The following HS6ST2 variants were observed in gnomAD, a reference collection of about 807,000 sequenced individuals.
HS6ST2 encodes heparan-sulfate 6-O-sulfotransferase 2.
A neutral mutation model predicts 33.0 loss-of-function variants in HS6ST2; 17 were observed. That is an observed-to-expected ratio of 0.52 (90% CI 0.35 to 0.77). HS6ST2 has a LOEUF of 0.77. Among genes scored for constraint, HS6ST2 ranks in the 30% least tolerant of loss-of-function variants. The pLI is 0.01. For synonymous variants in HS6ST2, 248 were observed against 237.1 expected (o/e 1.05, Z -0.42); for missense variants, 519 against 551.7 (o/e 0.94, Z 0.59).
chrX:132,926,398 G>A (rs1237419776), intron 2 of HS6ST2, among the ~76,000 whole-genome samples: 1 of 111,523 alleles, frequency 9.0e-6, no homozygotes, highest in East Asian at 2.8e-4. Context: ...GCTGAGGTAA[G>A]TAGGGCCTTC....
intron 2 of HS6ST2, among the ~76,000 whole-genome samples, chrX:132,833,705 AGTGATGG>A (rs2065613217): frequency 9.0e-6 from 1 of 110,765 alleles, no homozygotes; most frequent in Non-Finnish European, 1.9e-5. Flanking sequence ...CAATGTGAAA[AGTGATGG>A]GACAACACAC....
chrX:132,893,973 T>C (rs755052598), intron 2 of HS6ST2, among the ~76,000 whole-genome samples: 122 of 111,200 alleles, frequency 1.1e-3, no homozygotes, highest in Non-Finnish European at 1.8e-3. Flanking sequence ...CCATTTAATA[T>C]GCTTGGGGCT....
intron 2 of HS6ST2, among the ~76,000 whole-genome samples, chrX:132,739,455 C>T (rs920285383): frequency 4.5e-5 from 5 of 111,545 alleles, no homozygotes; most frequent in African/African-American, 1.6e-4. Context: ...TGGCTCATGC[C>T]TGTAATCGCA....
intron 2 of HS6ST2, among the ~76,000 whole-genome samples, chrX:132,955,005 A>G (rs968633894): frequency 8.9e-6 from 1 of 111,888 alleles, no homozygotes; most frequent in Non-Finnish European, 1.9e-5. Context: ...GTAAAGGCAC[A>G]TGTGCCCCAT....
intron 2 of HS6ST2, among the ~76,000 whole-genome samples, chrX:132,805,236 T>C (rs2065270372): frequency 8.9e-6 from 1 of 111,959 alleles, no homozygotes; most frequent in Non-Finnish European, 1.9e-5. Context: ...GTCTTTGTCA[T>C]TGTGGTCTTC....
chrX:132,882,505 T>C (rs902621270), intron 2 of HS6ST2, among the ~76,000 whole-genome samples: 1 of 103,273 alleles, frequency 9.7e-6, no homozygotes, highest in African/African-American at 3.6e-5. Flanking sequence ...AAGTTGCTTA[T>C]GAGCTTAAGG....
intron 2 of HS6ST2, among the ~76,000 whole-genome samples, chrX:132,833,662 C>T (rs753828265): frequency 2.7e-5 from 3 of 110,881 alleles, no homozygotes; most frequent in African/African-American, 9.8e-5. Flanking sequence ...CAGGAGCATT[C>T]ACAGGAAGGG....
intron 2 of HS6ST2, among the ~76,000 whole-genome samples, chrX:132,882,969 A>G (rs2066196568): frequency 9.0e-6 from 1 of 111,547 alleles, no homozygotes; most frequent in Admixed American, 9.6e-5. Flanking sequence ...CATACCAGGG[A>G]TGAAGCCCAG....
In HS6ST2 at chrX:132,927,849, C is replaced by T. The variant is rs1274285445; in HGVS notation, c.947+28959G>A. 6.1e-5 allele frequency among the ~76,000 whole-genome samples: 6 copies of T among 98,303 alleles called. No homozygotes were observed. In the East Asian group the frequency reaches 1.8e-3, roughly 30 times the overall value. The allele number at this position is 98,303 out of a possible 115,157, so 85.4% of individuals were successfully genotyped here. ...TCCAGCCTGGGCTATAGAGTGAAACCCTGTCTCAGAAAAAAAAAAAAAAAA... is the reference window on the plus strand; with the variant it reads ...TCCAGCCTGGGCTATAGAGTGAAACTCTGTCTCAGAAAAAAAAAAAAAAAA... On this transcript the variant is annotated intron_variant, in intron 2 of 4. Coordinates refer to ENST00000370833, the MANE Select transcript of HS6ST2 (RefSeq NM_001394073.1).
At chrX:132,899,899 G>A (rs1465193424) in intron 2 of HS6ST2, among the ~76,000 whole-genome samples, 1 of 110,684 alleles carries the variant, frequency 9.0e-6, no homozygotes, top group African/African-American at 3.3e-5. Context: ...AAAAACAATA[G>A]TGTGACATCT....
At chrX:132,648,462 T>C (rs189294882) in intron 4 of HS6ST2, among the ~76,000 whole-genome samples, 2 of 109,454 alleles carry the variant, frequency 1.8e-5, no homozygotes, top group Non-Finnish European at 3.8e-5. Context: ...TGAAATCAAA[T>C]TTTGAACAAG....
At chrX:132,678,045 ATGCATCTATACCTAAAAG>A (rs1333550069) in intron 3 of HS6ST2, among the ~76,000 whole-genome samples, 3 of 111,632 alleles carry the variant, frequency 2.7e-5, no homozygotes, top group African/African-American at 9.8e-5. Flanking sequence ...AGGGGGCCAA[ATGCATCTATACCTAAAAG>A]TGCATCTGGG....
chrX:132,666,733 CT>C (rs897137802), intron 4 of HS6ST2, among the ~76,000 whole-genome samples: 3 of 111,801 alleles, frequency 2.7e-5, no homozygotes, highest in African/African-American at 9.8e-5. Flanking sequence ...GACTGAATTT[CT>C]TTTCAGAGAA....
At chrX:132,911,162 A>AAT (rs1343341090) in intron 2 of HS6ST2, among the ~76,000 whole-genome samples, 1 of 109,001 alleles carries the variant, frequency 9.2e-6, no homozygotes. Flanking sequence ...AAAAAAAAAA[A>AAT]AAACTTAGAG....
At chrX:132,633,782 T>C (rs1476783728) in intron 4 of HS6ST2, among the ~76,000 whole-genome samples, 2 of 111,949 alleles carry the variant, frequency 1.8e-5, no homozygotes, top group East Asian at 5.6e-4. Flanking sequence ...TAAAAATGGT[T>C]TTCAACTATT....
chrX:132,728,907 C>T (rs1160387038), intron 2 of HS6ST2, among the ~76,000 whole-genome samples: 1 of 112,803 alleles, frequency 8.9e-6, no homozygotes, highest in Admixed American at 9.3e-5. Context: ...TATGGCCCAT[C>T]TCTCTGCTTC....
intron 2 of HS6ST2, among the ~76,000 whole-genome samples, chrX:132,826,650 A>T (rs2065523665): frequency 1.8e-5 from 2 of 109,152 alleles, no homozygotes; most frequent in Admixed American, 2.0e-4. Flanking sequence ...TATAGCTCAC[A>T]TTATATATAT....
At chrX:132,951,802 G>C (rs1038254327) in intron 2 of HS6ST2, among the ~76,000 whole-genome samples, 2 of 112,143 alleles carry the variant, frequency 1.8e-5, no homozygotes, top group Non-Finnish European at 3.8e-5. Context: ...CAACATAACA[G>C]ATGGACTTTT....
chrX:132,803,638 G>T (rs1412761670), intron 2 of HS6ST2, among the ~76,000 whole-genome samples: 1 of 111,369 alleles, frequency 9.0e-6, no homozygotes, highest in East Asian at 2.8e-4. Flanking sequence ...CGAACTCCTG[G>T]CCTCAAGTGA....
Sources: gnomAD v4.1 joint callset for allele counts (sites outside exome capture counted in the v4.1 genomes callset) on GRCh38, gnomAD v4.1.1 for gene constraint, MANE v1.5 for transcripts, NCBI Gene and HGNC (gene_info 2026-07-23, HGNC 2026-07-21) for gene names.